The following USP10 variants were observed in gnomAD, a reference collection of about 807,000 sequenced individuals.
USP10 encodes ubiquitin specific peptidase 10, also known as ubiquitin carboxyl-terminal hydrolase 10.
In USP10, 22 loss-of-function variants were observed where a neutral mutation model predicts 84.5. The observed-to-expected ratio is 0.26, with a 90% CI of 0.19 to 0.37. USP10 has a LOEUF of 0.37. USP10 is among the 10% of genes least tolerant of loss of function. The pLI is 1.00. For missense variants in USP10, 1,019 were observed against 998.9 expected (o/e 1.02, Z -0.27); for synonymous variants, 454 against 387.6 (o/e 1.17, Z -2.01).
rs559660375 is a variant in USP10, at chr16:84,746,105, T to G, written c.1192+432T>G. ...TGTGAAATAACATGGTTTTTTTTTT[T>G]TGGATTGAGTAAATGGATTTTATTC... is the stretch of plus-strand genomic sequence containing the variant. On this transcript the variant is annotated intron_variant, in intron 4 of 13. Coordinates refer to ENST00000219473, the MANE Select transcript of USP10 (RefSeq NM_005153.3). Among the ~76,000 whole-genome samples, 3 of 152,250 alleles carry G rather than the reference T, an allele frequency of 2.0e-5. No individual in the cohort carries two copies. In the East Asian group the frequency reaches 5.8e-4, roughly 29 times the overall value.
chr16:84,757,675 T>C (rs1329890767), intron 4 of USP10, among the ~76,000 whole-genome samples: 1 of 152,168 alleles, frequency 6.6e-6, no homozygotes, highest in African/African-American at 2.4e-5. Flanking sequence ...ATAGTAGGTG[T>C]ATCTATTTGT....
chr16:84,705,459 C>A (rs945607458), intron 1 of USP10, among the ~76,000 whole-genome samples: 1 of 152,052 alleles, frequency 6.6e-6, no homozygotes, highest in Non-Finnish European at 1.5e-5. Flanking sequence ...TCTCCATCTC[C>A]TGACCTCACG....
chr16:84,738,016 T>G (rs1450647795), intron 2 of USP10, among the ~76,000 whole-genome samples: 1 of 152,136 alleles, frequency 6.6e-6, no homozygotes, highest in African/African-American at 2.4e-5. Context: ...GGGAGTTGAG[T>G]GAGTGTTCAC....
At chr16:84,733,193 T>C (rs762565536) in intron 1 of USP10, 46 of 572,764 alleles carry the variant, frequency 8.0e-5, no homozygotes, top group Non-Finnish European at 1.4e-4. Flanking sequence ...AATTGATTTG[T>C]TTCAAAATAA....
intron 1 of USP10, among the ~76,000 whole-genome samples, chr16:84,718,716 A>G (rs1056912931): frequency 2.0e-5 from 3 of 149,422 alleles, no homozygotes; most frequent in Non-Finnish European, 3.0e-5. Context: ...AGATTGCGCC[A>G]CTGCACTCCA....
intron 2 of USP10, among the ~76,000 whole-genome samples, chr16:84,737,032 C>G (rs936653746): frequency 2.2e-4 from 33 of 152,220 alleles, no homozygotes; most frequent in Non-Finnish European, 4.0e-4. Flanking sequence ...TCGTGGTCTG[C>G]CCGCCTCGGC....
chr16:84,720,427 G>C (rs1163006213), intron 1 of USP10, among the ~76,000 whole-genome samples: 1 of 152,224 alleles, frequency 6.6e-6, no homozygotes. Context: ...TTTGTGTGGA[G>C]TTTGAGTACA....
intron 11 of USP10, among the ~76,000 whole-genome samples, chr16:84,771,674 G>T (rs1177183492): frequency 6.6e-6 from 1 of 152,128 alleles, no homozygotes; most frequent in Non-Finnish European, 1.5e-5. Flanking sequence ...TTCAAGACCA[G>T]CCTGGCCAAC....
chr16:84,771,991 C>G (rs1914503541), intron 11 of USP10, among the ~76,000 whole-genome samples: 1 of 152,176 alleles, frequency 6.6e-6, no homozygotes, highest in African/African-American at 2.4e-5. Context: ...TACGACTGGA[C>G]TTCAGGGACC....
intron 2 of USP10, among the ~76,000 whole-genome samples, chr16:84,738,498 CACTGCCCTT>C (rs777087743): frequency 6.6e-4 from 101 of 152,256 alleles, no homozygotes; most frequent in Non-Finnish European, 1.2e-3. Context: ...CCGCTGTGTC[CACTGCCCTT>C]ATAGACCCAC....
intron 1 of USP10, among the ~76,000 whole-genome samples, chr16:84,717,830 G>A (rs555852875): frequency 6.6e-6 from 1 of 152,174 alleles, no homozygotes; most frequent in African/African-American, 2.4e-5. Context: ...ATTTCAGTAC[G>A]GATTAATTTA....
At chr16:84,723,507 G>C (rs1908077759) in intron 1 of USP10, among the ~76,000 whole-genome samples, 1 of 152,256 alleles carries the variant, frequency 6.6e-6, no homozygotes, top group African/African-American at 2.4e-5. Context: ...GCCCACTGAC[G>C]CCTGGGAAGT....
At chr16:84,719,691 A>T (rs1567597943) in intron 1 of USP10, among the ~76,000 whole-genome samples, 1 of 152,356 alleles carries the variant, frequency 6.6e-6, no homozygotes, top group East Asian at 1.9e-4. Context: ...AGGTCCCATA[A>T]GGGGGACTTT....
intron 10 of USP10, among the ~76,000 whole-genome samples, chr16:84,765,861 C>G (rs148463489): frequency 1.3e-5 from 2 of 152,148 alleles, no homozygotes; most frequent in Non-Finnish European, 2.9e-5. Context: ...CAAAGTCCTT[C>G]GGAAAGGTTT....
intron 2 of USP10, 71 bp from the exon 3 acceptor site, chr16:84,740,238 C>G (rs768423361): frequency 1.3e-5 from 18 of 1,397,298 alleles, no homozygotes; most frequent in Non-Finnish European, 1.8e-5. Context: ...GAATTGTTGC[C>G]TTAATTAAAT....
intron 4 of USP10, among the ~76,000 whole-genome samples, chr16:84,750,519 G>A (rs1345199322): frequency 6.6e-6 from 1 of 152,094 alleles, no homozygotes; most frequent in East Asian, 1.9e-4. Context: ...CTTTGCTGCT[G>A]CTTCCCTCAT....
At position 84,760,264 on chromosome 16, in the gene USP10, C is replaced by T. The variant is rs78115766; in HGVS notation, c.1543C>T (p.Leu515=). Residue 515 remains leucine, a synonymous_variant, in exon 8 of 14, where the codon CTG becomes TTG. Coordinates refer to ENST00000219473, the MANE Select transcript of USP10 (RefSeq NM_005153.3). Reference sequence around the variant, plus strand: ...ACTCCTGACAGTTAACAAGTCAAGCCTGTCTGAAAAGGTTTGAGACTTCTC... The same window carrying T: ...ACTCCTGACAGTTAACAAGTCAAGCTTGTCTGAAAAGGTTTGAGACTTCTC... ...YRLLTVNKSS[L]SEKGRQEDAE... 1.8e-3 allele frequency: 2,875 copies of T among 1,605,430 alleles called. 40 individuals carry two copies. In the African/African-American group the frequency reaches 0.033, roughly 19 times the overall value.
intron 1 of USP10, among the ~76,000 whole-genome samples, chr16:84,710,733 G>A (rs1906172596): frequency 6.6e-6 from 1 of 152,150 alleles, no homozygotes; most frequent in Admixed American, 6.5e-5. Flanking sequence ...TTTTAGGTTT[G>A]TGATCCTCGA....
At chr16:84,741,862 C>A (rs1035184152) in intron 3 of USP10, among the ~76,000 whole-genome samples, 8 of 152,208 alleles carry the variant, frequency 5.3e-5, no homozygotes, top group Non-Finnish European at 8.8e-5. Flanking sequence ...GCCTGCTCAG[C>A]TGCTGATGGC....
Sources: gnomAD v4.1 joint callset for allele counts (sites outside exome capture counted in the v4.1 genomes callset) on GRCh38, gnomAD v4.1.1 for gene constraint, MANE v1.5 for transcripts, NCBI Gene and HGNC (gene_info 2026-07-23, HGNC 2026-07-21) for gene names.